The following ANKRD50 variants were observed in gnomAD, a reference collection of about 807,000 sequenced individuals.
ANKRD50 encodes the protein ankyrin repeat domain-containing protein 50.
ANKRD50 carries 40 observed loss-of-function variants against 112.0 expected under a neutral mutation model. That is an observed-to-expected ratio of 0.36 (90% CI 0.28 to 0.46). The LOEUF (loss-of-function observed/expected upper bound fraction) is 0.46. Among genes scored for constraint, ANKRD50 ranks in the 20% least tolerant of loss-of-function variants. ANKRD50 has a pLI of 1.00. For missense variants in ANKRD50, 1,487 were observed against 1,701.7 expected (o/e 0.87, Z 2.22); for synonymous variants, 613 against 619.1 (o/e 0.99, Z 0.15).
At chr4:124,682,088 G>A (rs1378539930) in intron 2 of ANKRD50, among the ~76,000 whole-genome samples, 2 of 151,946 alleles carry the variant, frequency 1.3e-5, no homozygotes, top group South Asian at 2.1e-4. Context: ...AGGCCGAGGC[G>A]GGTGGATCAC....
chr4:124,692,701 G>A (rs1031347740), intron 2 of ANKRD50, among the ~76,000 whole-genome samples: 3 of 152,130 alleles, frequency 2.0e-5, no homozygotes. Flanking sequence ...AATACAGCAA[G>A]AAGGTGCCAT....
At chr4:124,674,471 T>C (rs1037791054) in intron 3 of ANKRD50, among the ~76,000 whole-genome samples, 1 of 151,942 alleles carries the variant, frequency 6.6e-6, no homozygotes, top group Non-Finnish European at 1.5e-5. Flanking sequence ...TTATAAAACT[T>C]CCTTGTCTGT....
At chr4:124,692,336 T>A (rs527929393) in intron 2 of ANKRD50, among the ~76,000 whole-genome samples, 10 of 152,298 alleles carry the variant, frequency 6.6e-5, no homozygotes, top group African/African-American at 2.4e-4. Flanking sequence ...AATATATGGT[T>A]GGAAAGTGAC....
At chr4:124,694,062 C>T (rs933124151) in intron 2 of ANKRD50, among the ~76,000 whole-genome samples, 1 of 152,090 alleles carries the variant, frequency 6.6e-6, no homozygotes, top group Admixed American at 6.5e-5. Flanking sequence ...ACCTTCTTTT[C>T]TTAGGAGCAA....
Position 124,664,997 on chromosome 4 carries a change from T to C in ANKRD50, c.*2521A>G, listed in dbSNP as rs1372775778. ...ATAAAAATGTTATAAGCACATGCCA[T>C]CATAGTTGTGTAGTGGCAACAGCTG... On this transcript the variant is annotated 3_prime_UTR_variant, in exon 5 of 5. Coordinates refer to ENST00000504087, the MANE Select transcript of ANKRD50 (RefSeq NM_020337.3). The C allele has an allele frequency of 6.6e-6, 1 of 151,976 alleles. No homozygotes were observed. The highest frequency in any genetic ancestry group is 1.5e-5 in the Non-Finnish European group (1 of 67,884). 9.4% of individuals were successfully genotyped at this position (151,976 alleles called of 1,614,324 possible).
At chr4:124,696,609 C>A (rs999357379) in intron 2 of ANKRD50, among the ~76,000 whole-genome samples, 1 of 151,730 alleles carries the variant, frequency 6.6e-6, no homozygotes, top group Admixed American at 6.6e-5. Context: ...TTAAAAGGAG[C>A]CAGAGAAAAA....
At chr4:124,672,620 T>C in intron 3 of ANKRD50, 86 bp from the exon 4 acceptor site, 1 of 901,484 alleles carries the variant, frequency 1.1e-6, no homozygotes, top group East Asian at 2.8e-5. Flanking sequence ...CAACATATAA[T>C]AAATAAATCA....
intron 1 of ANKRD50, among the ~76,000 whole-genome samples, chr4:124,711,997 T>C (rs1351517497): frequency 6.6e-6 from 1 of 152,054 alleles, no homozygotes; most frequent in East Asian, 2.0e-4. Context: ...GGCCTCCAGT[T>C]TCAGCTGACA....
chr4:124,696,702 G>A (rs1011549036), intron 2 of ANKRD50, among the ~76,000 whole-genome samples: 1 of 152,000 alleles, frequency 6.6e-6, no homozygotes, highest in Non-Finnish European at 1.5e-5. Flanking sequence ...TGAAAAAAAT[G>A]AAAAACAATG....
At position 124,669,474 on chromosome 4, in the gene ANKRD50, C is replaced by T. The variant is rs2110506451; in HGVS notation, c.3803G>A (p.Ser1268Asn). 1 of 1,612,210 alleles carries T rather than the reference C, an allele frequency of 6.2e-7. No homozygotes were observed. Among genetic ancestry groups the T allele is most frequent in the East Asian group, 2.2e-5 (1 of 44,858 alleles). ...VKPSLKSTKA[S>N]KGGKSENSAK... ...AGAATTTTCTGATTTCCCCCCTTTA[C>T]TTGCTTTAGTTGACTTCAAACTGGG... The change falls in exon 4 of 5, where the codon AGT (serine) becomes AAT (asparagine). Residue 1268 changes from serine (S) to asparagine (N), a missense_variant. Ser to Asn is a conservative substitution (Grantham distance 46). Coordinates refer to ENST00000504087, the MANE Select transcript of ANKRD50 (RefSeq NM_020337.3).
intron 3 of ANKRD50, among the ~76,000 whole-genome samples, chr4:124,672,854 T>C (rs1730694621): frequency 6.6e-6 from 1 of 152,048 alleles, no homozygotes; most frequent in African/African-American, 2.4e-5. Context: ...AGTACCCAGT[T>C]AACATCATCT....
At chr4:124,706,311 G>C (rs1370356454) in intron 2 of ANKRD50, among the ~76,000 whole-genome samples, 2 of 151,944 alleles carry the variant, frequency 1.3e-5, no homozygotes, top group Non-Finnish European at 2.9e-5. Flanking sequence ...AAGAAATTTC[G>C]TGACAACTAT....
chr4:124,673,524 T>TTGCAGCAGC (rs1560820496), intron 3 of ANKRD50, among the ~76,000 whole-genome samples: 1 of 151,644 alleles, frequency 6.6e-6, no homozygotes, highest in Non-Finnish European at 1.5e-5. Flanking sequence ...GTGGCAGCAG[T>TTGCAGCAGC]TGCAGCAGCA....
chr4:124,672,633 TAATA>T lies in ANKRD50; in HGVS notation c.743-103_743-100del, dbSNP rs150156787. ...GTCAACATATAATAAATAAATCAAT[TAATA>T]AATTAATACTAATAAGCAGATCAAT... On this transcript the variant is annotated intron_variant, in intron 3 of 4. Coordinates refer to ENST00000504087, the MANE Select transcript of ANKRD50 (RefSeq NM_020337.3). 1.0e-3 allele frequency: 793 copies of T among 796,110 alleles called. 6 individuals carry two copies. In the African/African-American group the frequency reaches 0.013, roughly 13 times the overall value. 49.3% of individuals were successfully genotyped at this position (796,110 alleles called of 1,614,324 possible). A position where few individuals can be genotyped will look rare whatever the true frequency, so the allele number is the denominator to read the frequency against.
At chr4:124,688,017 T>C (rs116534056) in intron 2 of ANKRD50, among the ~76,000 whole-genome samples, 2,861 of 152,320 alleles carry the variant, frequency 0.019, 92 homozygotes, top group African/African-American at 0.063. Context: ...TGAAAATGTA[T>C]GGCCACATGA....
intron 2 of ANKRD50, among the ~76,000 whole-genome samples, chr4:124,683,805 C>T (rs1724944769): frequency 6.8e-6 from 1 of 147,640 alleles, no homozygotes; most frequent in Non-Finnish European, 1.5e-5. Flanking sequence ...AATTTTTTTC[C>T]ACCATTTGTC....
At chr4:124,696,815 A>T (rs1326755920) in intron 2 of ANKRD50, among the ~76,000 whole-genome samples, 5 of 152,226 alleles carry the variant, frequency 3.3e-5, no homozygotes, top group Non-Finnish European at 5.9e-5. Context: ...TACATTTAAA[A>T]TTTATCAGTT....
chr4:124,711,950 A>T (rs1327966186), intron 1 of ANKRD50, among the ~76,000 whole-genome samples: 1 of 152,084 alleles, frequency 6.6e-6, no homozygotes, highest in African/African-American at 2.4e-5. Flanking sequence ...TAAAGAGTAG[A>T]GTGCTTCGGT....
rs1405031159 is a variant in ANKRD50 at position 124,711,234 on chromosome 4, G to C, written c.-723C>G. 6.5e-6 allele frequency: 1 copy of C among 153,232 alleles called. No individual in the cohort carries two copies. The highest frequency in any genetic ancestry group is 6.5e-5 in the Admixed American group (1 of 15,296). 9.5% of individuals were successfully genotyped at this position (153,232 alleles called of 1,614,324 possible). Reference sequence around the variant, plus strand: ...TAATGAACCTGTTCACAGGTTTCTTGGTTTTAAGACGTCCGGGTAATCAAC... The same window carrying C: ...TAATGAACCTGTTCACAGGTTTCTTCGTTTTAAGACGTCCGGGTAATCAAC... On this transcript the variant is annotated 5_prime_UTR_variant, in exon 2 of 5. Transcript: ENST00000504087.
Sources: gnomAD v4.1 joint callset for allele counts (sites outside exome capture counted in the v4.1 genomes callset) on GRCh38, gnomAD v4.1.1 for gene constraint, MANE v1.5 for transcripts, NCBI Gene and HGNC (gene_info 2026-07-23, HGNC 2026-07-21) for gene names.